Variants in CDC42BPA observed in about 807,000 individuals in gnomAD.
The protein encoded by CDC42BPA is serine/threonine-protein kinase MRCK alpha.
CDC42BPA carries 80 observed loss-of-function variants against 223.5 expected under a neutral mutation model. That is an observed-to-expected ratio of 0.36 (90% CI 0.30 to 0.43). The LOEUF is 0.43. Among genes scored for constraint, CDC42BPA ranks in the 20% least tolerant of loss-of-function variants. The pLI, the probability that CDC42BPA is intolerant of heterozygous loss-of-function variation, is 1.00. For missense variants in CDC42BPA, 1,743 were observed against 2,099.9 expected, an observed-to-expected ratio of 0.83 and a Z score of 3.32; for synonymous variants, 694 against 718.6, an observed-to-expected ratio of 0.97 and a Z score of 0.55.
chr1:227,233,412 C>T (rs1678402230), intron 2 of CDC42BPA, among the ~76,000 whole-genome samples: 1 of 152,068 alleles, frequency 6.6e-6, no homozygotes, highest in African/African-American at 2.4e-5. Context: ...CCATCTTTGT[C>T]CTGTTCCTGA....
At chr1:227,022,193 A>C (rs765134739) in intron 32 of CDC42BPA, among the ~76,000 whole-genome samples, 3 of 152,138 alleles carry the variant, frequency 2.0e-5, no homozygotes, top group African/African-American at 7.2e-5. Flanking sequence ...GTACTTTGGG[A>C]GGCTGAGGCA....
intron 1 of CDC42BPA, among the ~76,000 whole-genome samples, chr1:227,267,224 A>G (rs1041581649): frequency 6.6e-6 from 1 of 152,206 alleles, no homozygotes; most frequent in Non-Finnish European, 1.5e-5. Flanking sequence ...ATGATAATTT[A>G]TGAATGAAAT....
At chr1:227,139,789 T>C (rs752935292) in intron 9 of CDC42BPA, 47 bp from the exon 10 acceptor site, 3 of 1,247,274 alleles carry the variant, frequency 2.4e-6, no homozygotes, top group East Asian at 5.5e-5. Flanking sequence ...GATAAAAAGC[T>C]TGAAGAAAAA....
chr1:227,093,729 G>A (rs2149258090), intron 15 of CDC42BPA, among the ~76,000 whole-genome samples: 1 of 152,156 alleles, frequency 6.6e-6, no homozygotes, highest in South Asian at 2.1e-4. Flanking sequence ...TTTGTTCTCT[G>A]GAGCACTTCT....
intron 5 of CDC42BPA, among the ~76,000 whole-genome samples, chr1:227,186,076 C>T (rs906895709): frequency 4.6e-5 from 7 of 152,186 alleles, no homozygotes; most frequent in Non-Finnish European, 8.8e-5. Flanking sequence ...CAGCAGAAAC[C>T]TTGCAGAGAA....
intron 2 of CDC42BPA, among the ~76,000 whole-genome samples, chr1:227,248,936 C>A (rs1342214628): frequency 6.6e-6 from 1 of 151,996 alleles, no homozygotes; most frequent in African/African-American, 2.4e-5. Context: ...AAAAAATAAT[C>A]CTAAAATTTA....
intron 14 of CDC42BPA, among the ~76,000 whole-genome samples, chr1:227,107,331 C>G (rs990264960): frequency 5.3e-5 from 8 of 152,214 alleles, no homozygotes; most frequent in African/African-American, 1.9e-4. Flanking sequence ...TCTTTGCAGA[C>G]TGTTCGTGCT....
At position 227,192,353 on chromosome 1, in the gene CDC42BPA, G is replaced by T. The variant is rs760954322; in HGVS notation, c.599+1433C>A. Among the ~76,000 whole-genome samples, 3 of 152,220 alleles carry T rather than the reference G, an allele frequency of 2.0e-5. No homozygotes were observed. The South Asian group carries it at 6.2e-4, about 32-fold the overall frequency. The stretch of plus-strand genomic sequence containing the variant: ...TACACCAGCAGCAGCATCACCACCT[G>T]GCAACTTGTTAGAGATGGCAATTCC... On this transcript the variant is annotated intron_variant, in intron 5 of 36. Coordinates refer to ENST00000366766, the MANE Select transcript of CDC42BPA (RefSeq NM_001394014.1).
At chr1:227,023,580 G>T (rs999822295) in intron 31 of CDC42BPA, among the ~76,000 whole-genome samples, 4 of 152,088 alleles carry the variant, frequency 2.6e-5, no homozygotes, top group African/African-American at 9.7e-5. Flanking sequence ...CTAAGCAAAT[G>T]AACAAATAAG....
At chr1:227,306,406 G>T (rs1300705693) in intron 1 of CDC42BPA, among the ~76,000 whole-genome samples, 1 of 152,142 alleles carries the variant, frequency 6.6e-6, no homozygotes, top group Non-Finnish European at 1.5e-5. Flanking sequence ...GATTACCAGA[G>T]GTACATAGGC....
rs1309498246 is a variant in CDC42BPA, at chr1:227,230,812, C to CTTTTTTTTTTTTTTTTTTTTTTTTTTTT, written c.271-17594_271-17593insAAAAAAAAAAAAAAAAAAAAAAAAAAAA. The stretch of plus-strand genomic sequence containing the variant: ...GCTAACTGATTTCTATTTCTTTTTT[C>CTTTTTTTTTTTTTTTTTTTTTTTTTTTT]TTTCTTTCTTTTTTTTTTTTTTTTT... On this transcript the variant is annotated intron_variant, in intron 2 of 36. Transcript: ENST00000366766. 3.6e-5 allele frequency among the ~76,000 whole-genome samples: 4 copies of CTTTTTTTTTTTTTTTTTTTTTTTTTTTT among 111,758 alleles called. 1 individual carries two copies. Among genetic ancestry groups the CTTTTTTTTTTTTTTTTTTTTTTTTTTTT allele is most frequent in the African/African-American group, 6.3e-5 (2 of 31,718 alleles). The allele number at this position is 111,758 out of a possible 152,430, so 73.3% of individuals were successfully genotyped here.
Position 226,989,926 on chromosome 1 carries a change from T to TA in CDC42BPA, c.*4341dup, listed in dbSNP as rs1325290008. The TA allele has an allele frequency of 6.6e-6, 1 of 151,526 alleles. No homozygotes were observed. Among genetic ancestry groups the TA allele is most frequent in the African/African-American group, 2.5e-5 (1 of 40,360 alleles). The allele number at this position is 151,526 out of a possible 1,614,324, so 9.4% of individuals were successfully genotyped here. On this transcript the variant is annotated 3_prime_UTR_variant, in exon 37 of 37. Coordinates refer to ENST00000366766, the MANE Select transcript of CDC42BPA (RefSeq NM_001394014.1). ...TGGTTAATATTAAGTGATATCAACA[T>TA]AAAGTATTGGTGAGGAGTCTTTTGT...
At chr1:227,027,133 T>A (rs1379747579) in intron 30 of CDC42BPA, among the ~76,000 whole-genome samples, 1 of 152,088 alleles carries the variant, frequency 6.6e-6, no homozygotes, top group East Asian at 1.9e-4. Flanking sequence ...TTAAAAATAG[T>A]TAATTCCCAA....
chr1:227,052,328 C>T (rs550515922), intron 21 of CDC42BPA, among the ~76,000 whole-genome samples: 2 of 152,084 alleles, frequency 1.3e-5, no homozygotes, highest in East Asian at 1.9e-4. Context: ...AAATAAATGC[C>T]GGGTACTTAA....
chr1:227,208,848 C>T (rs1231299640), intron 3 of CDC42BPA, among the ~76,000 whole-genome samples: 3 of 151,758 alleles, frequency 2.0e-5, no homozygotes, highest in East Asian at 1.9e-4. Context: ...GGCTCTTTTT[C>T]GGTTCCATAT....
intron 6 of CDC42BPA, among the ~76,000 whole-genome samples, chr1:227,156,584 ATAT>A: frequency 6.6e-6 from 1 of 152,282 alleles, no homozygotes; most frequent in Non-Finnish European, 1.5e-5. Context: ...AAAACATAAA[ATAT>A]TATCCTATTG....
At chr1:227,240,551 G>A (rs532431966) in intron 2 of CDC42BPA, among the ~76,000 whole-genome samples, 6 of 152,132 alleles carry the variant, frequency 3.9e-5, no homozygotes, top group Non-Finnish European at 7.4e-5. Flanking sequence ...TGTGGTATTA[G>A]CATAAAGGCA....
At chr1:226,997,965 T>C (rs569535883) in intron 35 of CDC42BPA, among the ~76,000 whole-genome samples, 1 of 152,244 alleles carries the variant, frequency 6.6e-6, no homozygotes, top group African/African-American at 2.4e-5. Flanking sequence ...TTAGGTCCGC[T>C]TGAACCAGTG....
chr1:227,315,316 A>G (rs1694191341), intron 1 of CDC42BPA, among the ~76,000 whole-genome samples: 1 of 152,078 alleles, frequency 6.6e-6, no homozygotes, highest in South Asian at 2.1e-4. Context: ...TATATAAATT[A>G]TTCTGATAAT....
Sources: allele counts gnomAD v4.1 joint callset (sites outside exome capture counted in the v4.1 genomes callset), GRCh38; gene constraint gnomAD v4.1.1; transcripts MANE v1.5; gene names NCBI Gene and HGNC (gene_info 2026-07-23, HGNC 2026-07-21).